The following HMGXB3 variants were observed in gnomAD, a reference collection of about 807,000 sequenced individuals.
HMGXB3 encodes the protein HMG domain-containing protein 3.
Under a neutral mutation model 121.5 loss-of-function variants are expected in HMGXB3, and 45 were observed. The ratio of observed to expected loss-of-function variants is 0.37; its 90% confidence interval spans 0.29 to 0.47. The LOEUF is 0.47. HMGXB3 is among the 20% of genes least tolerant of loss of function. The pLI, the probability that HMGXB3 is intolerant of heterozygous loss-of-function variation, is 0.99. For missense variants in HMGXB3, 1,376 were observed against 1,602.2 expected, an observed-to-expected ratio of 0.86 and a Z score of 2.41; for synonymous variants, 590 against 624.1, an observed-to-expected ratio of 0.95 and a Z score of 0.81.
intron 4 of HMGXB3, 59 bp downstream of exon 4, chr5:150,010,667 A>G: frequency 6.9e-7 from 1 of 1,456,416 alleles, no homozygotes; most frequent in South Asian, 1.4e-5. Context: ...AAGGGCAGCT[A>G]GCACCATACA....
At chr5:150,035,022 C>T (rs563986111) in intron 11 of HMGXB3, among the ~76,000 whole-genome samples, 3 of 152,276 alleles carry the variant, frequency 2.0e-5, no homozygotes, top group African/African-American at 7.2e-5. Context: ...ATGAATAGGA[C>T]GTGGCCCTTT....
intron 3 of HMGXB3, among the ~76,000 whole-genome samples, chr5:150,007,644 C>T (rs1393462545): frequency 6.6e-6 from 1 of 152,164 alleles, no homozygotes. Flanking sequence ...CTCTCTGCTC[C>T]CTCCTCTAGG....
At chr5:150,048,945 A>G (rs764755471) in intron 18 of HMGXB3, among the ~76,000 whole-genome samples, 26 of 152,212 alleles carry the variant, frequency 1.7e-4, no homozygotes, top group Non-Finnish European at 2.4e-4. Context: ...AATGACAAAG[A>G]TGTCGTTCCT....
Position 150,015,038 on chromosome 5 carries a change from A to G in HMGXB3, c.909+2685A>G, listed in dbSNP as rs191583965. The G allele has an allele frequency of 1.2e-5, 6 of 498,428 alleles. No homozygotes were observed. The Admixed American group carries it at 2.1e-4, about 17-fold the overall frequency. 30.9% of individuals were successfully genotyped at this position (498,428 alleles called of 1,614,324 possible). A position where few individuals can be genotyped will look rare whatever the true frequency, so the allele number is the denominator to read the frequency against. On this transcript the variant is annotated intron_variant, in intron 5 of 19. Coordinates refer to ENST00000502717, the MANE Select transcript of HMGXB3 (RefSeq NM_014983.3). ...CCAATGATTGCCCCTTTTTGGCCTA[A>G]ATGTTGTGGTCATTAAAGTTAGTAA...
Position 150,010,218 on chromosome 5 carries a change from G to A in HMGXB3, c.420G>A (p.Glu140=), listed in dbSNP as rs1404033583. ...TCATCCCCAAGAGCAGCCTGCAGGA[G>A]GACCGGAGCTGCCCTCAGCTAGAGC... ...YIIIPKSSLQ[E]DRSCPQLELC... is the part of the protein sequence containing the mutation. Residue 140 remains glutamate, a synonymous_variant, in exon 4 of 20, where the codon GAG becomes GAA. Coordinates refer to ENST00000502717, the MANE Select transcript of HMGXB3 (RefSeq NM_014983.3). 56 of 1,551,762 alleles carry A rather than the reference G, an allele frequency of 3.6e-5. No individual in the cohort carries two copies. Among genetic ancestry groups the A allele is most frequent in the Non-Finnish European group, 4.8e-5 (55 of 1,147,048 alleles).
At chr5:150,022,002 G>A (rs1044012301) in intron 6 of HMGXB3, 5 of 378,564 alleles carry the variant, frequency 1.3e-5, no homozygotes, top group African/African-American at 6.3e-5. Flanking sequence ...GGGCAGGAGC[G>A]GGCGGACCGC....
intron 17 of HMGXB3, 90 bp from the exon 18 acceptor site, chr5:150,048,479 T>A (rs1366114605): frequency 1.1e-6 from 1 of 874,054 alleles, no homozygotes; most frequent in African/African-American, 1.7e-5. Context: ...TTCTTTTGCT[T>A]TGGGTGTTGG....
chr5:150,047,596 C>A (rs777669617), intron 16 of HMGXB3, 28 bp from the exon 17 acceptor site: 2 of 1,551,170 alleles, frequency 1.3e-6, no homozygotes, highest in South Asian at 2.4e-5. Context: ...CGGCAGCACC[C>A]TCCCACCAGC....
chr5:150,008,335 C>T (rs940570762), intron 3 of HMGXB3, among the ~76,000 whole-genome samples: 6 of 151,954 alleles, frequency 3.9e-5, no homozygotes, highest in Non-Finnish European at 8.8e-5. Context: ...ACTTTTGAGT[C>T]TTGGTTTCCT....
rs1243860215 is a variant in HMGXB3 at position 150,004,997 on chromosome 5, A to C, written c.137+8A>C. On this transcript the variant is annotated splice_region_variant and intron_variant, in intron 2 of 19. Coordinates refer to ENST00000502717, the MANE Select transcript of HMGXB3 (RefSeq NM_014983.3). ...AAAGACAAAGAAACCCAGGTTAGCC[A>C]ACACATTTTGGTTGCTGCTAGCATT... 2.6e-6 allele frequency: 4 copies of C among 1,544,954 alleles called. No individual in the cohort carries two copies. The highest frequency in any genetic ancestry group is 3.5e-6 in the Non-Finnish European group (4 of 1,145,390).
intron 5 of HMGXB3, among the ~76,000 whole-genome samples, chr5:150,013,668 T>G (rs1255163363): frequency 6.6e-6 from 1 of 152,226 alleles, no homozygotes; most frequent in Non-Finnish European, 1.5e-5. Flanking sequence ...GGTTTTTAAC[T>G]GCAAGCCCAA....
chr5:150,010,014 A>T, intron 3 of HMGXB3, 97 bp from the exon 4 acceptor site: 1 of 1,339,940 alleles, frequency 7.5e-7, no homozygotes, highest in Non-Finnish European at 9.9e-7. Flanking sequence ...CAGGAAAAAA[A>T]AAGAACTTAC....
intron 13 of HMGXB3, among the ~76,000 whole-genome samples, chr5:150,037,795 CAA>C (rs1180571823): frequency 6.6e-6 from 1 of 152,164 alleles, no homozygotes; most frequent in Admixed American, 6.5e-5. Flanking sequence ...AACAAAAAAT[CAA>C]GAGCATTGCT....
Position 150,051,630 on chromosome 5 carries a change from A to G in HMGXB3, c.3412-95A>G, listed in dbSNP as rs78202528. The G allele has an allele frequency of 3.3e-3, 3,367 of 1,012,696 alleles. 66 individuals are homozygous for G. In the African/African-American group the frequency reaches 0.049, roughly 15 times the overall value. 62.7% of individuals were successfully genotyped at this position (1,012,696 alleles called of 1,614,324 possible). On this transcript the variant is annotated intron_variant, in intron 19 of 19. Transcript: ENST00000502717. ...CAGTACATGGTGATGTTAGGATTCA[A>G]AGAGGGCTGGCTGAGCCTAGAGTGT... is the stretch of plus-strand genomic sequence containing the variant.
chr5:150,050,415 G>C lies in HMGXB3; in HGVS notation c.3365G>C (p.Trp1122Ser), dbSNP rs1007775202. ...TACCCAGAGCTGACTAACCAGATGT[G>C]GGGGAGGAACCAGGGCTGTTTCTCT... ...LCYPELTNQM[W>S]GRNQGCFSSP... The change falls in exon 19 of 20, where the codon TGG (tryptophan) becomes TCG (serine). Residue 1122 changes from tryptophan (W) to serine (S), a missense_variant. Transcript: ENST00000502717. 2 of 1,551,704 alleles carry C rather than the reference G, an allele frequency of 1.3e-6. No individual in the cohort carries two copies. The highest frequency in any genetic ancestry group is 2.0e-5 in the Admixed American group (1 of 51,008).
At chr5:150,011,820 C>T (rs974485670) in intron 4 of HMGXB3, among the ~76,000 whole-genome samples, 1 of 151,908 alleles carries the variant, frequency 6.6e-6, no homozygotes, top group Admixed American at 6.5e-5. Flanking sequence ...CCACGTTGGC[C>T]AGGCTGGTCT....
At chr5:150,005,029 C>T in intron 2 of HMGXB3, 40 bp downstream of exon 2, 2 of 1,526,080 alleles carry the variant, frequency 1.3e-6, no homozygotes, top group Non-Finnish European at 1.8e-6. Flanking sequence ...CATTTATAAA[C>T]AGAAGTTGCT....
At position 150,000,866 on chromosome 5, in the gene HMGXB3, G is replaced by A. The variant is rs1755541875; in HGVS notation, c.-316G>A. On this transcript the variant is annotated 5_prime_UTR_variant, in exon 1 of 20. Coordinates refer to ENST00000502717, the MANE Select transcript of HMGXB3 (RefSeq NM_014983.3). Reference sequence around the variant, plus strand: ...GGGGCCCTCGGCAGGCATCGGTGAGGAGCCTGCGGAGCGAACCTGTGCTCC... The same window carrying A: ...GGGGCCCTCGGCAGGCATCGGTGAGAAGCCTGCGGAGCGAACCTGTGCTCC... 6.5e-6 allele frequency: 1 copy of A among 154,810 alleles called. No homozygotes were observed. The highest frequency in any genetic ancestry group is 1.5e-5 in the Non-Finnish European group (1 of 68,212). The allele number at this position is 154,810 out of a possible 1,614,324, so 9.6% of individuals were successfully genotyped here. A position where few individuals can be genotyped will look rare whatever the true frequency, so the allele number is the denominator to read the frequency against.
chr5:150,005,936 A>G lies in HMGXB3; in HGVS notation c.138-537A>G, dbSNP rs980259993. On this transcript the variant is annotated intron_variant, in intron 2 of 19. Coordinates refer to ENST00000502717, the MANE Select transcript of HMGXB3 (RefSeq NM_014983.3). Reference sequence around the variant, plus strand: ...CTTTGCTTTAAAATCATTCCTGCACAAAAAGCGATCTTTAGGAAAGCCAGT... The same window carrying G: ...CTTTGCTTTAAAATCATTCCTGCACGAAAAGCGATCTTTAGGAAAGCCAGT... Among the ~76,000 whole-genome samples, 30 of 152,300 alleles carry G rather than the reference A, an allele frequency of 2.0e-4. 1 individual carries two copies. Among genetic ancestry groups the G allele is most frequent in the African/African-American group, 7.0e-4 (29 of 41,568 alleles).
Sources: gnomAD v4.1 joint callset for allele counts (sites outside exome capture counted in the v4.1 genomes callset) on GRCh38, gnomAD v4.1.1 for gene constraint, MANE v1.5 for transcripts, NCBI Gene and HGNC (gene_info 2026-07-23, HGNC 2026-07-21) for gene names.